Variants in ACOXL observed in about 807,000 individuals in gnomAD.
ACOXL encodes acyl-CoA oxidase like.
Under a neutral mutation model 71.9 loss-of-function variants are expected in ACOXL, and 70 were observed. That is an observed-to-expected ratio of 0.97 (90% CI 0.80 to 1.19). ACOXL has a LOEUF of 1.19. ACOXL is among the 50% of genes most tolerant of loss of function. The pLI is 0.00. For synonymous variants in ACOXL, 253 were observed against 281.6 expected (o/e 0.90, Z 1.02); for missense variants, 703 against 736.3 (o/e 0.95, Z 0.52).
intron 1 of ACOXL, among the ~76,000 whole-genome samples, chr2:110,752,244 GT>G (rs1188463168): frequency 6.6e-6 from 1 of 152,022 alleles, no homozygotes; most frequent in African/African-American, 2.4e-5. Context: ...ATGACCTCAG[GT>G]TATCCATCTG....
In ACOXL at chr2:111,118,222, G is replaced by GA. The variant is rs5833389; in HGVS notation, c.*418dup. ...AGAAAAACTGTGGTGCCGAGTGAAAGAAAAAAAAAAAAGCAAACACCCTTA... is the reference window on the plus strand; with the variant it reads ...AGAAAAACTGTGGTGCCGAGTGAAAGAAAAAAAAAAAAAGCAAACACCCTTA... On this transcript the variant is annotated 3_prime_UTR_variant, in exon 18 of 18. Coordinates refer to ENST00000439055, the MANE Select transcript of ACOXL (RefSeq NM_001142807.4). 1,127 of 200,938 alleles carry GA rather than the reference G, an allele frequency of 5.6e-3. No individual in the cohort carries two copies. Among genetic ancestry groups the GA allele is most frequent in the South Asian group, 0.02 (180 of 9,006 alleles). The allele number at this position is 200,938 out of a possible 1,614,324, so 12.4% of individuals were successfully genotyped here. A position where few individuals can be genotyped will look rare whatever the true frequency, so the allele number is the denominator to read the frequency against.
chr2:110,921,495 A>G (rs1309755428), intron 11 of ACOXL, among the ~76,000 whole-genome samples: 1 of 147,488 alleles, frequency 6.8e-6, no homozygotes, highest in African/African-American at 2.5e-5. Flanking sequence ...CCGGGTTCAC[A>G]ACATTCTCCT....
intron 10 of ACOXL, among the ~76,000 whole-genome samples, chr2:110,896,109 G>A (rs974381567): frequency 3.9e-5 from 6 of 152,040 alleles, no homozygotes; most frequent in South Asian, 4.1e-4. Flanking sequence ...GGAAAGAAAC[G>A]AGATATAAAA....
intron 10 of ACOXL, among the ~76,000 whole-genome samples, chr2:110,842,491 A>G (rs1691298603): frequency 6.6e-6 from 1 of 152,258 alleles, no homozygotes; most frequent in South Asian, 2.1e-4. Flanking sequence ...GTTTTATATA[A>G]CATGGGAGCT....
intron 16 of ACOXL, among the ~76,000 whole-genome samples, chr2:111,071,792 G>A (rs2067355931): frequency 6.6e-6 from 1 of 152,188 alleles, no homozygotes; most frequent in Admixed American, 6.5e-5. Flanking sequence ...TCGTTCTGTT[G>A]TTGGTCCCAG....
chr2:110,909,655 T>C (rs562287595), intron 11 of ACOXL, among the ~76,000 whole-genome samples: 2 of 151,844 alleles, frequency 1.3e-5, no homozygotes, highest in Admixed American at 6.6e-5. Context: ...AATTGGCTTA[T>C]GTTTGAAATT....
At chr2:111,017,625 C>T (rs1558873241) in intron 14 of ACOXL, among the ~76,000 whole-genome samples, 1 of 152,202 alleles carries the variant, frequency 6.6e-6, no homozygotes, top group Non-Finnish European at 1.5e-5. Context: ...TCATCCCCGT[C>T]AACGCCTTCA....
At chr2:111,003,636 G>T (rs1057154948) in intron 14 of ACOXL, among the ~76,000 whole-genome samples, 1 of 148,148 alleles carries the variant, frequency 6.8e-6, no homozygotes, top group African/African-American at 2.5e-5. Flanking sequence ...TCTGTAATTT[G>T]GGAAAACAAG....
intron 11 of ACOXL, among the ~76,000 whole-genome samples, chr2:110,924,493 G>A (rs544987538): frequency 4.6e-5 from 7 of 152,270 alleles, no homozygotes; most frequent in Non-Finnish European, 1.0e-4. Context: ...ATCCTCACTT[G>A]TTATTTCAAC....
chr2:110,880,201 A>T (rs1298256003), intron 10 of ACOXL, among the ~76,000 whole-genome samples: 1 of 151,586 alleles, frequency 6.6e-6, no homozygotes, highest in Non-Finnish European at 1.5e-5. Context: ...AAAAGAATGG[A>T]TGTTGTAAAA....
At chr2:110,762,684 C>A (rs1680556627) in intron 1 of ACOXL, among the ~76,000 whole-genome samples, 1 of 152,090 alleles carries the variant, frequency 6.6e-6, no homozygotes, top group South Asian at 2.1e-4. Context: ...GAGACAGGGT[C>A]TCACTCTGTC....
intron 11 of ACOXL, among the ~76,000 whole-genome samples, chr2:110,917,330 A>G (rs150557847): frequency 0.024 from 3,634 of 152,304 alleles, 167 homozygotes; most frequent in African/African-American, 0.085. Flanking sequence ...AGATGCAGAA[A>G]AGACCTTTGA....
chr2:110,858,520 T>C (rs1009537041), intron 10 of ACOXL, among the ~76,000 whole-genome samples: 1 of 152,206 alleles, frequency 6.6e-6, no homozygotes, highest in East Asian at 1.9e-4. Flanking sequence ...CACCTGCAGG[T>C]GTGTGAGCCT....
At chr2:111,093,065 C>T in intron 17 of ACOXL, 99 bp downstream of exon 17, 1 of 968,488 alleles carries the variant, frequency 1.0e-6, no homozygotes, top group Non-Finnish European at 1.6e-6. Flanking sequence ...AGTTTCCACT[C>T]ATGGATTTTT....
At chr2:111,047,305 A>G (rs1199552142) in intron 15 of ACOXL, among the ~76,000 whole-genome samples, 1 of 152,240 alleles carries the variant, frequency 6.6e-6, no homozygotes, top group African/African-American at 2.4e-5. Flanking sequence ...CAGGGTCACC[A>G]CAGAGAGGAG....
At chr2:110,830,901 T>C (rs1689751542) in intron 9 of ACOXL, among the ~76,000 whole-genome samples, 1 of 152,202 alleles carries the variant, frequency 6.6e-6, no homozygotes, top group South Asian at 2.1e-4. Flanking sequence ...AAAGGGTAAG[T>C]TGTTTTTCAG....
At chr2:111,061,228 G>T (rs2149882345) in intron 16 of ACOXL, among the ~76,000 whole-genome samples, 1 of 152,208 alleles carries the variant, frequency 6.6e-6, no homozygotes, top group African/African-American at 2.4e-5. Flanking sequence ...CCTAATTAAA[G>T]TTCTGAAAAC....
rs567279547 is a variant in ACOXL, at chr2:110,842,606, G to A, written c.788+1201G>A. ...GTAGAGATGGATAATTGGACAAAGA[G>A]GGTATGATCTAATGGTGATAAACTG... is the stretch of plus-strand genomic sequence containing the variant. On this transcript the variant is annotated intron_variant, in intron 10 of 17. Coordinates refer to ENST00000439055, the MANE Select transcript of ACOXL (RefSeq NM_001142807.4). Among the ~76,000 whole-genome samples, 4 of 152,328 alleles carry A rather than the reference G, an allele frequency of 2.6e-5. No homozygotes were observed. In the East Asian group the frequency reaches 5.8e-4, roughly 22 times the overall value.
chr2:110,915,624 C>T (rs1252861406), intron 11 of ACOXL, among the ~76,000 whole-genome samples: 5 of 151,440 alleles, frequency 3.3e-5, no homozygotes, highest in African/African-American at 1.2e-4. Flanking sequence ...GATGGGTTTT[C>T]ACCATGCTGG....
Sources: allele counts gnomAD v4.1 joint callset (sites outside exome capture counted in the v4.1 genomes callset), GRCh38; gene constraint gnomAD v4.1.1; transcripts MANE v1.5; gene names NCBI Gene and HGNC (gene_info 2026-07-23, HGNC 2026-07-21).